PTPRA: variants seen among roughly 807,000 people sequenced by gnomAD.
PTPRA encodes the protein protein tyrosine phosphatase receptor type A, also known as receptor-type tyrosine-protein phosphatase alpha.
Under a neutral mutation model 104.8 loss-of-function variants are expected in PTPRA, and 25 were observed. The ratio of observed to expected loss-of-function variants is 0.24; its 90% confidence interval spans 0.17 to 0.33. The LOEUF is 0.33. PTPRA is among the 10% of genes least tolerant of loss of function. The probability of loss-of-function intolerance (pLI) is 1.00; values close to 1 mark genes in which losing one functional copy is unlikely to be tolerated. For synonymous variants in PTPRA, 323 were observed against 368.9 expected, an observed-to-expected ratio of 0.88 and a Z score of 1.43; for missense variants, 765 against 1,015.3, an observed-to-expected ratio of 0.75 and a Z score of 3.35.
At chr20:2,905,955 G>A (rs1418382144) in intron 1 of PTPRA, among the ~76,000 whole-genome samples, 1 of 151,960 alleles carries the variant, frequency 6.6e-6, no homozygotes, top group Admixed American at 6.6e-5. Context: ...CAAAGTGCTG[G>A]TATTACAGGT....
At chr20:3,007,802 G>A (rs1028980225) in intron 11 of PTPRA, among the ~76,000 whole-genome samples, 6 of 141,806 alleles carry the variant, frequency 4.2e-5, no homozygotes, top group African/African-American at 1.7e-4. Flanking sequence ...ATATGTGTGT[G>A]TATGTATATA....
chr20:3,017,778 G>A, intron 12 of PTPRA, 38 bp from the exon 13 acceptor site: 1 of 1,556,306 alleles, frequency 6.4e-7, no homozygotes, highest in Non-Finnish European at 8.9e-7. Context: ...TTTCTTCTTG[G>A]TGTATATTCT....
chr20:3,036,985 C>T (rs1264058846), intron 22 of PTPRA, among the ~76,000 whole-genome samples, 169 bp from the exon 23 acceptor site: 1 of 152,160 alleles, frequency 6.6e-6, no homozygotes, highest in Non-Finnish European at 1.5e-5. Context: ...GCAGGAAGGG[C>T]ACAGGGTACA....
At chr20:2,947,915 A>G (rs1238668510) in intron 2 of PTPRA, 67 bp from the exon 3 acceptor site, 1 of 644,060 alleles carries the variant, frequency 1.6e-6, no homozygotes, top group African/African-American at 1.9e-5. Context: ...TGTCAATAGG[A>G]GGTTGATGAA....
chr20:2,910,313 TATA>T (rs1371907119), intron 1 of PTPRA, among the ~76,000 whole-genome samples: 5 of 84,422 alleles, frequency 5.9e-5, no homozygotes, highest in African/African-American at 1.5e-4. Context: ...TTTTATATAT[TATA>T]ATATATATTT....
chr20:3,021,385 C>T lies in PTPRA; in HGVS notation c.1118C>T (p.Thr373Ile), dbSNP rs1474564006. The T allele has an allele frequency of 1.9e-6, 3 of 1,614,040 alleles. No individual in the cohort carries two copies. The African/African-American group carries it at 4.0e-5, about 22-fold the overall frequency. Reference sequence around the variant, plus strand: ...ATTCGGGTGTCTGTAGAGGATGTGACTGTCCTGGTGGACTACACAGTACGG... The same window carrying T: ...ATTCGGGTGTCTGTAGAGGATGTGATTGTCCTGGTGGACTACACAGTACGG... ...GNIRVSVEDV[T>I]VLVDYTVRKF... The change falls in exon 14 of 24, where the codon ACT becomes ATT. Residue 373 changes from threonine (T) to isoleucine (I), a missense_variant. By Grantham distance (89) the Thr-to-Ile change is moderately conservative (BLOSUM62 -1). Coordinates refer to ENST00000399903, the MANE Select transcript of PTPRA (RefSeq NM_001385305.1).
intron 1 of PTPRA, among the ~76,000 whole-genome samples, chr20:2,908,863 A>G (rs1265717363): frequency 1.3e-5 from 2 of 152,246 alleles, no homozygotes; most frequent in Admixed American, 1.3e-4. Context: ...AATAATAACG[A>G]CTTTTAGTTA....
chr20:3,007,429 C>T lies in PTPRA; in HGVS notation c.906+9C>T, dbSNP rs1033313319. On this transcript the variant is annotated intron_variant, in intron 11 of 23. Coordinates refer to ENST00000399903, the MANE Select transcript of PTPRA (RefSeq NM_001385305.1). ...ATGCTTCATTCATCAACGTAAGGAT[C>T]GGGTGCTTTCCCTGTCACTTCCCTG... 14 of 1,611,896 alleles carry T rather than the reference C, an allele frequency of 8.7e-6. No homozygotes were observed. The highest frequency in any genetic ancestry group is 4.0e-5 in the African/African-American group (3 of 74,882).
chr20:3,011,493 G>GCC (rs777095157), intron 11 of PTPRA, among the ~76,000 whole-genome samples: 2 of 152,206 alleles, frequency 1.3e-5, no homozygotes, highest in Admixed American at 6.5e-5. Flanking sequence ...AAAACATTCA[G>GCC]CCCAGCCTGG....
At chr20:3,019,822 G>A (rs1384983399) in intron 13 of PTPRA, among the ~76,000 whole-genome samples, 2 of 152,262 alleles carry the variant, frequency 1.3e-5, no homozygotes, top group African/African-American at 4.8e-5. Flanking sequence ...CTGCAATCCC[G>A]GCACCTCGGG....
chr20:2,995,763 G>T (rs149622249), intron 9 of PTPRA, among the ~76,000 whole-genome samples: 2 of 152,080 alleles, frequency 1.3e-5, no homozygotes, highest in African/African-American at 4.8e-5. Context: ...TGAGTCTTGG[G>T]TTTTCATTTC....
intron 1 of PTPRA, among the ~76,000 whole-genome samples, chr20:2,909,963 GATATAT>G (rs1202615827): frequency 8.8e-6 from 1 of 113,450 alleles, no homozygotes; most frequent in Admixed American, 1.1e-4. Flanking sequence ...TATAATATAT[GATATAT>G]ATATAATCTA....
At position 2,948,726 on chromosome 20, in the gene PTPRA, C is replaced by T. The variant is rs368963566; in HGVS notation, c.-7+702C>T. On this transcript the variant is annotated intron_variant, in intron 3 of 23. Transcript: ENST00000399903. ...CAGCACTTTGGGAGGCCAAGGTGGG[C>T]GGATCACAAGGTCAGGAGATCAAGA... is the stretch of plus-strand genomic sequence containing the variant. Among the ~76,000 whole-genome samples the T allele has an allele frequency of 4.4e-4, 67 of 151,814 alleles. 1 individual carries two copies. Among genetic ancestry groups the T allele is most frequent in the Admixed American group, 3.4e-3 (52 of 15,228 alleles).
intron 6 of PTPRA, among the ~76,000 whole-genome samples, chr20:2,982,870 T>A (rs1359836624): frequency 6.6e-6 from 1 of 152,106 alleles, no homozygotes; most frequent in Non-Finnish European, 1.5e-5. Context: ...CTAATTTTTT[T>A]TGTATTTTTA....
At chr20:3,026,350 A>G (rs1203106726) in intron 17 of PTPRA, among the ~76,000 whole-genome samples, 2 of 152,182 alleles carry the variant, frequency 1.3e-5, no homozygotes, top group African/African-American at 4.8e-5. Flanking sequence ...GCAATTCTGA[A>G]TAAGTTTTTT....
At chr20:2,864,529 G>A in the PTPRA span, 1 of 1,614,124 alleles carries the variant, frequency 6.2e-7, no homozygotes, top group Non-Finnish European at 8.5e-7. This position sits in a 1 kb window ranked among gnomAD's most constrained non-coding sequence, Gnocchi z 5.2. Flanking sequence ...CTGACTGATT[G>A]CCTGCCTGTG....
chr20:2,998,660 A>G (rs2063502294), intron 9 of PTPRA, among the ~76,000 whole-genome samples: 2 of 152,242 alleles, frequency 1.3e-5, no homozygotes, highest in South Asian at 4.1e-4. Flanking sequence ...AAGGTAGTAA[A>G]TTTCCCATCA....
the PTPRA span, chr20:2,866,299 G>T: frequency 6.2e-7 from 1 of 1,614,098 alleles, no homozygotes; most frequent in South Asian, 1.1e-5. Flanking sequence ...GAAGGTCAAG[G>T]CTTTGCTTCT....
chr20:2,940,434 G>A (rs528524776), intron 2 of PTPRA, among the ~76,000 whole-genome samples: 171 of 152,004 alleles, frequency 1.1e-3, no homozygotes, highest in South Asian at 1.9e-3. Context: ...GGGACTACAG[G>A]CATATACCCC....
Sources: gnomAD v4.1 joint callset for allele counts (sites outside exome capture counted in the v4.1 genomes callset) on GRCh38, gnomAD v4.1.1 for gene constraint, Gnocchi (gnomAD v3.1) non-coding constraint, MANE v1.5 for transcripts, NCBI Gene and HGNC (gene_info 2026-07-23, HGNC 2026-07-21) for gene names.